Variants in LRRC4C observed in about 807,000 individuals in gnomAD.
The protein encoded by LRRC4C is leucine-rich repeat-containing protein 4C.
LRRC4C carries 5 observed loss-of-function variants against 33.6 expected under a neutral mutation model. The ratio of observed to expected loss-of-function variants is 0.15; its 90% confidence interval spans 0.08 to 0.31. The LOEUF (loss-of-function observed/expected upper bound fraction) is 0.31. Ranked by LOEUF, LRRC4C falls within the 10% of genes least tolerant of loss-of-function variation. LRRC4C has a pLI of 1.00. For synonymous variants in LRRC4C, 329 were observed against 302.0 expected (o/e 1.09, Z -0.93); for missense variants, 560 against 796.7 (o/e 0.70, Z 3.58).
At chr11:41,085,438 T>C (rs1158146428) in intron 1 of LRRC4C, among the ~76,000 whole-genome samples, 1 of 152,204 alleles carries the variant, frequency 6.6e-6, no homozygotes, top group Non-Finnish European at 1.5e-5. Context: ...AGAGTTAATA[T>C]TGACTGGCTC....
intron 3 of LRRC4C, among the ~76,000 whole-genome samples, chr11:40,534,710 T>C (rs1956402322): frequency 6.6e-6 from 1 of 152,192 alleles, no homozygotes; most frequent in Non-Finnish European, 1.5e-5. Context: ...GGCTCAGAAA[T>C]GTCCCTTCGT....
At chr11:41,215,014 G>GTATATA (rs34328057) in intron 1 of LRRC4C, among the ~76,000 whole-genome samples, 4,393 of 130,916 alleles carry the variant, frequency 0.034, 87 homozygotes, top group South Asian at 0.075. Flanking sequence ...TTTTATTCAT[G>GTATATA]TATATATATA....
intron 1 of LRRC4C, among the ~76,000 whole-genome samples, chr11:41,008,641 A>G (rs541224909): frequency 5.3e-5 from 8 of 152,032 alleles, no homozygotes; most frequent in Non-Finnish European, 8.8e-5. Flanking sequence ...CCATTAACAG[A>G]TATGCTATTA....
At chr11:41,220,247 G>T (rs1230604640) in intron 1 of LRRC4C, among the ~76,000 whole-genome samples, 3 of 152,066 alleles carry the variant, frequency 2.0e-5, no homozygotes, top group Admixed American at 6.5e-5. Context: ...TTATACCAAA[G>T]TGAAAACTAT....
chr11:40,534,697 A>G (rs1024499618), intron 3 of LRRC4C, among the ~76,000 whole-genome samples: 1 of 152,190 alleles, frequency 6.6e-6, no homozygotes, highest in Non-Finnish European at 1.5e-5. Context: ...ATAGGCCTCA[A>G]TGGGCTCAGA....
intron 1 of LRRC4C, among the ~76,000 whole-genome samples, chr11:41,112,164 T>C (rs1941869426): frequency 6.6e-6 from 1 of 152,070 alleles, no homozygotes; most frequent in Non-Finnish European, 1.5e-5. Context: ...GTCATGGTCC[T>C]GCCAACTCTT....
At chr11:41,384,065 G>C (rs10837638) in intron 1 of LRRC4C, among the ~76,000 whole-genome samples, 11,353 of 151,882 alleles carry the variant, frequency 0.075, 577 homozygotes, top group South Asian at 0.14. Flanking sequence ...TACAATTTTG[G>C]TAATGAAAGA....
At chr11:40,644,251 A>G (rs187541446) in intron 3 of LRRC4C, among the ~76,000 whole-genome samples, 11 of 152,316 alleles carry the variant, frequency 7.2e-5, no homozygotes, top group Non-Finnish European at 1.3e-4. Context: ...CAAAACTGAT[A>G]AATGGGACTT....
At chr11:40,667,003 C>T (rs534931420) in intron 2 of LRRC4C, among the ~76,000 whole-genome samples, 138 of 152,220 alleles carry the variant, frequency 9.1e-4, no homozygotes, top group Non-Finnish European at 1.7e-3. Flanking sequence ...CTTAATTTTC[C>T]TTCAGAACAA....
intron 1 of LRRC4C, among the ~76,000 whole-genome samples, chr11:41,358,166 G>C (rs1017582): frequency 0.64 from 97,583 of 151,908 alleles, 31,796 homozygotes; most frequent in East Asian, 0.79. Context: ...ACAGCTTTTT[G>C]AAATGATGCT....
chr11:40,454,175 T>C (rs1049266430), intron 3 of LRRC4C, among the ~76,000 whole-genome samples: 1 of 145,788 alleles, frequency 6.9e-6, no homozygotes, highest in African/African-American at 2.8e-5. Flanking sequence ...GATTAAAGTT[T>C]TTTTTTTTTT....
chr11:40,218,419 C>G (rs1357154057), intron 5 of LRRC4C, among the ~76,000 whole-genome samples: 3 of 152,080 alleles, frequency 2.0e-5, no homozygotes, highest in African/African-American at 7.2e-5. Flanking sequence ...CCAAGAGCTA[C>G]TTAGAGAATC....
chr11:40,523,410 A>T (rs55980828), intron 3 of LRRC4C, among the ~76,000 whole-genome samples: 9,797 of 151,542 alleles, frequency 0.065, 824 homozygotes, highest in African/African-American at 0.2. Flanking sequence ...TTTAATTCTT[A>T]AATATTGAAT....
chr11:40,781,990 C>G (rs1341103319), intron 2 of LRRC4C, among the ~76,000 whole-genome samples: 6 of 152,186 alleles, frequency 3.9e-5, no homozygotes, highest in Non-Finnish European at 2.9e-5. Flanking sequence ...GAACCATTAG[C>G]TTTCTGCCCC....
At chr11:40,555,171 G>A (rs1957285766) in intron 3 of LRRC4C, among the ~76,000 whole-genome samples, 2 of 152,100 alleles carry the variant, frequency 1.3e-5, no homozygotes, top group Non-Finnish European at 2.9e-5. Context: ...GGATTTTTTA[G>A]ATCTAGAGCC....
intron 5 of LRRC4C, among the ~76,000 whole-genome samples, chr11:40,190,360 G>T (rs1454954264): frequency 6.6e-6 from 1 of 152,222 alleles, no homozygotes; most frequent in African/African-American, 2.4e-5. Flanking sequence ...TGGAGGTGGG[G>T]CAAAGAGAAT....
intron 3 of LRRC4C, among the ~76,000 whole-genome samples, chr11:40,469,972 G>A (rs1031598966): frequency 2.6e-5 from 4 of 152,206 alleles, no homozygotes; most frequent in Non-Finnish European, 4.4e-5. Context: ...AGACTTAAAT[G>A]TTATTGCCTG....
chr11:40,251,915 T>C (rs1286089290), intron 4 of LRRC4C, among the ~76,000 whole-genome samples: 3 of 152,146 alleles, frequency 2.0e-5, no homozygotes, highest in Non-Finnish European at 2.9e-5. Context: ...AGTTCAGTGT[T>C]AGGAGGTTTG....
intron 1 of LRRC4C, among the ~76,000 whole-genome samples, chr11:40,987,271 G>T (rs1853083616): frequency 6.6e-6 from 1 of 152,100 alleles, no homozygotes; most frequent in Admixed American, 6.6e-5. Flanking sequence ...CTACAAGTTT[G>T]CCAGACTCTT....
Sources: allele counts gnomAD v4.1 joint callset (sites outside exome capture counted in the v4.1 genomes callset), GRCh38; gene constraint gnomAD v4.1.1; transcripts MANE v1.5; gene names NCBI Gene and HGNC (gene_info 2026-07-23, HGNC 2026-07-21).